Variants in CADM2 observed in about 807,000 individuals in gnomAD.
CADM2 encodes the protein immunoglobulin superfamily member 4D.
CADM2 carries 12 observed loss-of-function variants against 49.8 expected under a neutral mutation model. The ratio of observed to expected loss-of-function variants is 0.24; its 90% CI spans 0.15 to 0.39. CADM2 has a LOEUF of 0.39. CADM2 is among the 10% of genes least tolerant of loss of function. The probability of loss-of-function intolerance (pLI) is 1.00; values close to 1 mark genes in which losing one functional copy is unlikely to be tolerated. For missense variants in CADM2, 378 were observed against 492.3 expected (o/e 0.77, Z 2.20); for synonymous variants, 214 against 175.4 (o/e 1.22, Z -1.74).
At chr3:86,004,959 C>T (rs1035292752) in intron 8 of CADM2, among the ~76,000 whole-genome samples, 39 of 152,140 alleles carry the variant, frequency 2.6e-4, no homozygotes, top group African/African-American at 9.2e-4. Context: ...AAGCCCCTCT[C>T]ATATCTGGGC....
At chr3:85,746,090 G>A (rs1170361177) in intron 2 of CADM2, among the ~76,000 whole-genome samples, 1 of 152,074 alleles carries the variant, frequency 6.6e-6, no homozygotes, top group African/African-American at 2.4e-5. Flanking sequence ...TTTTTAAAAG[G>A]ATGGAGTTTT....
chr3:85,744,980 A>G (rs986791530), intron 2 of CADM2, among the ~76,000 whole-genome samples: 2 of 152,162 alleles, frequency 1.3e-5, no homozygotes, highest in African/African-American at 4.8e-5. Flanking sequence ...TTGTAATACT[A>G]TAGGGAAGAG....
intron 1 of CADM2, among the ~76,000 whole-genome samples, chr3:85,606,776 A>T (rs185980645): frequency 2.4e-4 from 36 of 152,258 alleles, no homozygotes; most frequent in African/African-American, 8.7e-4. Context: ...GAGTGGAAGA[A>T]TATATAAAAT....
intron 2 of CADM2, among the ~76,000 whole-genome samples, chr3:85,797,104 A>G (rs1339654656): frequency 5.3e-5 from 8 of 151,578 alleles, no homozygotes; most frequent in Non-Finnish European, 7.4e-5. Flanking sequence ...AAAAAAAAAA[A>G]GAAAAAGAAA....
chr3:85,505,074 C>A (rs1471634050), intron 1 of CADM2, among the ~76,000 whole-genome samples: 2 of 152,128 alleles, frequency 1.3e-5, no homozygotes, highest in African/African-American at 4.8e-5. Context: ...CACCTCCCTG[C>A]AAGCTGAGGG....
intron 1 of CADM2, among the ~76,000 whole-genome samples, chr3:85,369,664 A>T (rs957020093): frequency 6.6e-6 from 1 of 152,170 alleles, no homozygotes; most frequent in Non-Finnish European, 1.5e-5. Context: ...TCTTGTGAAA[A>T]TGTAAACATG....
chr3:85,060,245 C>A (rs2107440591), intron 1 of CADM2, among the ~76,000 whole-genome samples: 1 of 152,234 alleles, frequency 6.6e-6, no homozygotes, highest in African/African-American at 2.4e-5. Context: ...ATTCTCCTGC[C>A]TAAGCCTCCT....
chr3:85,672,442 T>A (rs1286093404), intron 1 of CADM2, among the ~76,000 whole-genome samples: 2 of 152,112 alleles, frequency 1.3e-5, no homozygotes, highest in Non-Finnish European at 2.9e-5. Context: ...TCCGCTCGCC[T>A]TGGCTTTCTA....
intron 7 of CADM2, among the ~76,000 whole-genome samples, chr3:85,941,870 G>T (rs986669218): frequency 3.3e-5 from 5 of 151,952 alleles, no homozygotes; most frequent in Non-Finnish European, 5.9e-5. Context: ...CCTTGTTTTG[G>T]CATAGTTTTT....
At chr3:85,526,842 T>C (rs977188768) in intron 1 of CADM2, among the ~76,000 whole-genome samples, 1 of 152,174 alleles carries the variant, frequency 6.6e-6, no homozygotes, top group African/African-American at 2.4e-5. Flanking sequence ...CCCCATTTTA[T>C]AGCTAAGGGA....
intron 7 of CADM2, among the ~76,000 whole-genome samples, chr3:85,939,426 A>G (rs968572849): frequency 6.6e-6 from 1 of 151,254 alleles, no homozygotes; most frequent in Non-Finnish European, 1.5e-5. Context: ...ATTCCCAGAC[A>G]GCTTTCAGGC....
intron 1 of CADM2, among the ~76,000 whole-genome samples, chr3:85,612,339 T>G (rs2063700952): frequency 6.6e-6 from 1 of 151,930 alleles, no homozygotes; most frequent in African/African-American, 2.4e-5. Flanking sequence ...TTGCAAAAGT[T>G]GAAATGTTTC....
At chr3:85,235,873 A>T (rs925600708) in intron 1 of CADM2, among the ~76,000 whole-genome samples, 1 of 152,124 alleles carries the variant, frequency 6.6e-6, no homozygotes, top group Non-Finnish European at 1.5e-5. Flanking sequence ...TTAAAAGTCA[A>T]TCCTGTAGGT....
At chr3:85,560,956 T>C (rs1434120066) in intron 1 of CADM2, among the ~76,000 whole-genome samples, 1 of 152,188 alleles carries the variant, frequency 6.6e-6, no homozygotes, top group African/African-American at 2.4e-5. Flanking sequence ...TGTTAATACA[T>C]TAATATGTGC....
At chr3:85,742,937 A>C (rs115763449) in intron 2 of CADM2, among the ~76,000 whole-genome samples, 1 of 152,242 alleles carries the variant, frequency 6.6e-6, no homozygotes, top group South Asian at 2.1e-4. Flanking sequence ...ATGTTATATA[A>C]GTACTTCACT....
chr3:86,049,688 A>G (rs74556404), intron 8 of CADM2, among the ~76,000 whole-genome samples: 3,072 of 152,232 alleles, frequency 0.02, 87 homozygotes, highest in African/African-American at 0.06. Context: ...ACTTACAATC[A>G]TAGCAGAAGG....
intron 2 of CADM2, among the ~76,000 whole-genome samples, chr3:85,765,467 T>G (rs1170785929): frequency 6.6e-6 from 1 of 152,034 alleles, no homozygotes; most frequent in Non-Finnish European, 1.5e-5. Flanking sequence ...ATTCCCAAGG[T>G]CAATCCTCAA....
intron 1 of CADM2, among the ~76,000 whole-genome samples, chr3:85,639,378 A>T (rs752993953): frequency 6.6e-5 from 10 of 152,190 alleles, no homozygotes; most frequent in Non-Finnish European, 1.5e-4. Context: ...GTTTACTGTA[A>T]CATCTGACAT....
At chr3:85,374,983 A>G (rs1398444411) in intron 1 of CADM2, among the ~76,000 whole-genome samples, 3 of 152,122 alleles carry the variant, frequency 2.0e-5, no homozygotes, top group Non-Finnish European at 4.4e-5. Context: ...GTTGCTCAGG[A>G]AAAAAAGAAA....
Sources: gnomAD v4.1 joint callset for allele counts (sites outside exome capture counted in the v4.1 genomes callset) on GRCh38, gnomAD v4.1.1 for gene constraint, MANE v1.5 for transcripts, NCBI Gene and HGNC (gene_info 2026-07-23, HGNC 2026-07-21) for gene names.